GFI1B: variants seen among roughly 807,000 people sequenced by gnomAD.
GFI1B encodes zinc finger protein Gfi-1b.
Under a neutral mutation model 35.3 loss-of-function variants are expected in GFI1B, and 20 were observed. That is an observed-to-expected ratio of 0.57 (90% CI 0.40 to 0.82). The LOEUF (loss-of-function observed/expected upper bound fraction) is 0.82, where lower values mean the gene tolerates loss of function less well. Ranked by LOEUF, GFI1B falls within the 40% of genes least tolerant of loss-of-function variation. The pLI is 0.00. For missense variants in GFI1B, 430 were observed against 446.3 expected (o/e 0.96, Z 0.33); for synonymous variants, 178 against 177.6 (o/e 1.00, Z -0.02).
intron 1 of GFI1B, among the ~76,000 whole-genome samples, chr9:132,947,466 T>C (rs11243941): frequency 0.22 from 32,197 of 148,872 alleles, 3,588 homozygotes; most frequent in African/African-American, 0.23. Context: ...AGGCAGCCTC[T>C]AGAATCAACA....
chr9:132,991,016 G>A lies in GFI1B; in HGVS notation c.959G>A (p.Arg320Gln), dbSNP rs760858233. 1.1e-5 allele frequency: 17 copies of A among 1,613,982 alleles called. No homozygotes were observed. The highest frequency in any genetic ancestry group is 6.7e-5 in the East Asian group (3 of 44,900). Residue 320 changes from arginine (R) to glutamine (Q), a missense_variant, in exon 7 of 7, where the codon CGG becomes CAG. Physicochemically the swap from Arg to Gln is conservative, Grantham distance 43 (BLOSUM62 1). Transcript: ENST00000372122. ...TKGFQRKVDL[R>Q]RHRESQHNLK ...GGCTTCCAGCGCAAGGTGGACCTGC[G>A]GCGGCACCGCGAGAGCCAGCACAAT...
At chr9:132,957,066 G>A (rs537157564) in intron 1 of GFI1B, among the ~76,000 whole-genome samples, 193 of 152,270 alleles carry the variant, frequency 1.3e-3, no homozygotes, top group African/African-American at 4.5e-3. Context: ...ATCCCATCAC[G>A]TTTTCCATCC....
intron 1 of GFI1B, among the ~76,000 whole-genome samples, chr9:132,981,399 G>A (rs982094612): frequency 2.0e-5 from 3 of 152,174 alleles, no homozygotes; most frequent in Non-Finnish European, 4.4e-5. Context: ...GGAGACATTT[G>A]AGAACTCCTT....
At chr9:132,968,272 C>G (rs552791916) in intron 1 of GFI1B, among the ~76,000 whole-genome samples, 2 of 151,990 alleles carry the variant, frequency 1.3e-5, no homozygotes, top group Admixed American at 1.3e-4. Context: ...TGCCACCACA[C>G]CTGGCTAATT....
intron 6 of GFI1B, among the ~76,000 whole-genome samples, chr9:132,990,663 C>G: frequency 6.6e-6 from 1 of 152,250 alleles, no homozygotes; most frequent in East Asian, 1.9e-4. Flanking sequence ...CCTAACCACC[C>G]TATAATCCAG....
chr9:132,991,000 C>A lies in GFI1B; in HGVS notation c.943C>A (p.Arg315Ser). The change falls in exon 7 of 7, where the codon CGC becomes AGC. Residue 315 changes from arginine to serine, a missense_variant. By Grantham distance (110) the Arg-to-Ser change is moderately radical. Coordinates refer to ENST00000372122, the MANE Select transcript of GFI1B (RefSeq NM_001377304.1). ...SCELCTKGFQ[R>S]KVDLRRHRES... is the part of the protein sequence containing the mutation. The stretch of plus-strand genomic sequence containing the variant: ...TGAGCTGTGCACCAAAGGCTTCCAG[C>A]GCAAGGTGGACCTGCGGCGGCACCG... 6.2e-7 allele frequency: 1 copy of A among 1,614,186 alleles called. No homozygotes were observed. The highest frequency in any genetic ancestry group is 8.5e-7 in the Non-Finnish European group (1 of 1,180,000).
intron 1 of GFI1B, among the ~76,000 whole-genome samples, chr9:132,963,203 C>T (rs563305580): frequency 1.3e-5 from 2 of 151,124 alleles, no homozygotes; most frequent in Admixed American, 6.6e-5. Flanking sequence ...TATTATTGGT[C>T]AGGCGTGGTG....
At chr9:132,987,146 G>A in intron 2 of GFI1B, 136 bp from the exon 3 acceptor site, 1 of 978,928 alleles carries the variant, frequency 1.0e-6, no homozygotes, top group Non-Finnish European at 1.6e-6. Context: ...GAGCCCGGGA[G>A]TGTGAGCCGC....
At chr9:132,984,824 G>T (rs1588434535) in intron 1 of GFI1B, among the ~76,000 whole-genome samples, 1 of 152,186 alleles carries the variant, frequency 6.6e-6, no homozygotes, top group African/African-American at 2.4e-5. Flanking sequence ...TCTGGGCCAG[G>T]GGGAAGCAGG....
intron 1 of GFI1B, chr9:132,947,197 A>C (rs1848125635): frequency 6.6e-6 from 1 of 152,156 alleles, no homozygotes; most frequent in Non-Finnish European, 1.5e-5. Context: ...GTGGTGGAGG[A>C]CATCTGCTGC....
chr9:132,977,329 G>A (rs991167887), upstream of GFI1B, among the ~76,000 whole-genome samples: 3 of 152,100 alleles, frequency 2.0e-5, no homozygotes, highest in Non-Finnish European at 4.4e-5. Flanking sequence ...GTGGTCTGCT[G>A]TCTGTAGCCT....
At chr9:132,992,116 C>T (rs1268317776), downstream of GFI1B, among the ~76,000 whole-genome samples, 1 of 152,194 alleles carries the variant, frequency 6.6e-6, no homozygotes, top group African/African-American at 2.4e-5. Flanking sequence ...CTGTCTCTCA[C>T]CTTCCCAAGG....
Position 132,987,375 on chromosome 9 carries a change from A to G in GFI1B, c.194A>G (p.Glu65Gly), listed in dbSNP as rs1360853713. 1 of 1,614,250 alleles carries G rather than the reference A, an allele frequency of 6.2e-7. No homozygotes were observed. Among genetic ancestry groups the G allele is most frequent in the African/African-American group, 1.3e-5 (1 of 75,076 alleles). The part of the protein sequence containing the change: ...LDWTNLKREP[E>G]LEQDQNLARM... ...TGGACCAACCTCAAACGAGAGCCGG[A>G]GCTGGAGCAGGACCAGAACTTGGCC... The change falls in exon 3 of 7, where the codon GAG (glutamate) becomes GGG (glycine). Residue 65 changes from glutamate (E) to glycine (G), a missense_variant. Glu to Gly is a moderately conservative substitution (Grantham distance 98). Transcript: ENST00000372122.
At chr9:132,975,217 T>C (rs1178833050), upstream of GFI1B, 2 of 152,210 alleles carry the variant, frequency 1.3e-5, no homozygotes, top group African/African-American at 4.8e-5. Flanking sequence ...AAAGGGAAAT[T>C]ATTGAAGGTT....
chr9:132,984,732 G>A (rs1183946286), intron 1 of GFI1B, among the ~76,000 whole-genome samples: 1 of 152,204 alleles, frequency 6.6e-6, no homozygotes, highest in Non-Finnish European at 1.5e-5. Context: ...GCTCAGTGAT[G>A]AGCCTTACAG....
chr9:132,985,587 C>T (rs982713734), intron 1 of GFI1B, among the ~76,000 whole-genome samples: 6 of 152,158 alleles, frequency 3.9e-5, no homozygotes, highest in Non-Finnish European at 7.3e-5. Context: ...AAGGCGCAGC[C>T]GTGCTCTGGC....
chr9:132,969,375 G>A (rs968983176), intron 1 of GFI1B, among the ~76,000 whole-genome samples: 10 of 152,196 alleles, frequency 6.6e-5, no homozygotes, highest in African/African-American at 2.4e-4. Flanking sequence ...GGTAAATGAA[G>A]TGACCGTATT....
intron 1 of GFI1B, among the ~76,000 whole-genome samples, chr9:132,948,026 T>C (rs1392622519): frequency 1.3e-5 from 2 of 152,124 alleles, no homozygotes; most frequent in African/African-American, 4.8e-5. Flanking sequence ...CAATTTTGCG[T>C]GCCTATTAAG....
At chr9:132,980,097 G>C (rs1412475027) in intron 1 of GFI1B, among the ~76,000 whole-genome samples, 1 of 152,220 alleles carries the variant, frequency 6.6e-6, no homozygotes, top group Non-Finnish European at 1.5e-5. Flanking sequence ...CTTTCTGTCA[G>C]AGTTTGGTCT....
Sources: allele counts gnomAD v4.1 joint callset (sites outside exome capture counted in the v4.1 genomes callset), GRCh38; gene constraint gnomAD v4.1.1; transcripts MANE v1.5; gene names NCBI Gene and HGNC (gene_info 2026-07-23, HGNC 2026-07-21).